Variants in SYTL2 observed in about 807,000 individuals in gnomAD.
SYTL2 encodes synaptotagmin-like protein 2.
In SYTL2, 165 loss-of-function variants were observed where a neutral mutation model predicts 198.7. The ratio of observed to expected loss-of-function variants is 0.83; its 90% confidence interval spans 0.73 to 0.94. The LOEUF (loss-of-function observed/expected upper bound fraction) is 0.94, where lower values mean the gene tolerates loss of function less well. Among genes scored for constraint, SYTL2 ranks in the 40% least tolerant of loss-of-function variants. The pLI, the probability that SYTL2 is intolerant of heterozygous loss-of-function variation, is 0.00. For missense variants in SYTL2, 2,835 were observed against 2,582.8 expected, an observed-to-expected ratio of 1.10 and a Z score of -2.12; for synonymous variants, 966 against 917.7, an observed-to-expected ratio of 1.05 and a Z score of -0.95.
At chr11:85,763,752 T>C (rs778924098) in intron 1 of SYTL2, among the ~76,000 whole-genome samples, 2 of 149,560 alleles carry the variant, frequency 1.3e-5, no homozygotes, top group Non-Finnish European at 3.0e-5. Context: ...TATGCCTGAG[T>C]TGGGGAGAAT....
At chr11:85,784,255 C>CA (rs1483894154) in intron 1 of SYTL2, among the ~76,000 whole-genome samples, 1 of 152,096 alleles carries the variant, frequency 6.6e-6, no homozygotes, top group African/African-American at 2.4e-5. Flanking sequence ...TATTTAATGA[C>CA]AGAGACGGTG....
rs180706766 is a variant in SYTL2, at chr11:85,795,273, T to C, written c.-390+15681A>G. Among the ~76,000 whole-genome samples, 149 of 152,262 alleles carry C rather than the reference T, an allele frequency of 9.8e-4. 1 individual carries two copies. Among genetic ancestry groups the C allele is most frequent in the African/African-American group, 3.4e-3 (142 of 41,546 alleles). On this transcript the variant is annotated intron_variant, in intron 1 of 19. Coordinates refer to ENST00000359152, the MANE Select transcript of SYTL2 (RefSeq NM_206927.4). ...ATCCCCCCAAGGAATAATGCTTGCA[T>C]TTTATTTTCTGAAATGATGATGGCC...
chr11:85,725,051 G>A lies in SYTL2; in HGVS notation c.4307C>T (p.Ser1436Phe), dbSNP rs1390047911. Residue 1436 changes from serine (S) to phenylalanine (F), a missense_variant, in exon 8 of 20, where the codon TCC (serine) becomes TTC (phenylalanine). Ser to Phe is a radical substitution (Grantham distance 155, BLOSUM62 -2). Around this residue, in one of 3 missense-constraint regions of SYTL2, gnomAD observed 2,645 missense variants for 2,381.7 expected, o/e 1.11. Transcript: ENST00000359152. ...IVPDRKDFYSSNVVPDKTHEV... is the reference protein window; with the variant it reads ...IVPDRKDFYSFNVVPDKTHEV... ...ATGAGTTTTATCAGGAACTACATTG[G>A]AGGAATAAAAATCCTTCCTGTCTGG... The A allele has an allele frequency of 1.9e-6, 3 of 1,614,164 alleles. No homozygotes were observed. Among genetic ancestry groups the A allele is most frequent in the South Asian group, 2.2e-5 (2 of 91,078 alleles).
At chr11:85,750,294 T>C (rs973722905) in intron 2 of SYTL2, among the ~76,000 whole-genome samples, 1 of 152,182 alleles carries the variant, frequency 6.6e-6, no homozygotes, top group African/African-American at 2.4e-5. Flanking sequence ...GATGTTTAAC[T>C]GAAAGTACTT....
chr11:85,768,510 A>G (rs1164357657), intron 1 of SYTL2, among the ~76,000 whole-genome samples: 1 of 152,222 alleles, frequency 6.6e-6, no homozygotes, highest in African/African-American at 2.4e-5. Context: ...GGCCTGGGAC[A>G]CAGTAAGTGC....
chr11:85,784,039 A>T lies in SYTL2; in HGVS notation c.-389-25925T>A, dbSNP rs538307892. On this transcript the variant is annotated intron_variant, in intron 1 of 19. Coordinates refer to ENST00000359152, the MANE Select transcript of SYTL2 (RefSeq NM_206927.4). ...TATCTGATGGGCATTACTTGGCCAC[A>T]ACAACCACGTGCCATGTGCCCATGG... Among the ~76,000 whole-genome samples, 4 of 152,324 alleles carry T rather than the reference A, an allele frequency of 2.6e-5. No individual in the cohort carries two copies. In the South Asian group the frequency reaches 8.3e-4, roughly 32 times the overall value.
At position 85,726,928 on chromosome 11, in the gene SYTL2, A is replaced by G; in HGVS notation, c.2430T>C (p.His810=). 6.5e-7 allele frequency: 1 copy of G among 1,536,452 alleles called. No individual in the cohort carries two copies. Among genetic ancestry groups the G allele is most frequent in the Non-Finnish European group, 8.7e-7 (1 of 1,146,932 alleles). The change falls in exon 8 of 20, where the codon CAT becomes CAC. Residue 810 remains histidine, a synonymous_variant. Transcript: ENST00000359152. ...GGCTACATGAAGATGTGGGTTTTTC[A>G]TGAGTTATCTTAGCACCAGCTTTCT... is the stretch of plus-strand genomic sequence containing the variant. ...EGEKAGAKIT[H]EKPTSSCSQE...
intron 13 of SYTL2, among the ~76,000 whole-genome samples, chr11:85,710,625 T>C (rs1465017516): frequency 6.6e-6 from 1 of 152,206 alleles, no homozygotes; most frequent in Non-Finnish European, 1.5e-5. Context: ...TCTGAGTAAC[T>C]ACACTTAAGG....
At chr11:85,764,592 T>C (rs1022959852) in intron 1 of SYTL2, among the ~76,000 whole-genome samples, 1 of 152,246 alleles carries the variant, frequency 6.6e-6, no homozygotes, top group Non-Finnish European at 1.5e-5. Flanking sequence ...TCCTAGACTG[T>C]TCTCTTTTCA....
intron 16 of SYTL2, 146 bp downstream of exon 16, chr11:85,704,712 T>C: frequency 1.7e-6 from 1 of 572,004 alleles, no homozygotes; most frequent in East Asian, 2.8e-5. Flanking sequence ...CCCAATAACC[T>C]TTTTTACCTT....
chr11:85,789,365 T>TATATATATATAC (rs2092693308), intron 1 of SYTL2, among the ~76,000 whole-genome samples: 1 of 62,674 alleles, frequency 1.6e-5, no homozygotes, highest in African/African-American at 6.5e-5. Context: ...TATATATATA[T>TATATATATATAC]ATATATATAT....
chr11:85,744,205 A>C (rs2090998761), intron 4 of SYTL2, among the ~76,000 whole-genome samples: 1 of 152,142 alleles, frequency 6.6e-6, no homozygotes, highest in East Asian at 1.9e-4. Context: ...TTTCTTGAGC[A>C]CTTACTACGT....
At position 85,726,976 on chromosome 11, in the gene SYTL2, G is replaced by A. The variant is rs1335908521; in HGVS notation, c.2382C>T (p.Asp794=). The part of the protein sequence containing the change: ...VQREKYKRVS[D]RISFWEGEKA... ...TCTCTCCTTCCCAAAAGGATATTCT[G>A]TCACTCACTCTTTTGTATTTCTCTC... The change falls in exon 8 of 20, where the codon GAC becomes GAT. Residue 794 remains aspartate, a synonymous_variant. Transcript: ENST00000359152. 24 of 1,536,516 alleles carry A rather than the reference G, an allele frequency of 1.6e-5. No individual in the cohort carries two copies. Among genetic ancestry groups the A allele is most frequent in the Non-Finnish European group, 2.0e-5 (23 of 1,147,020 alleles).
At chr11:85,818,199 G>A in the SYTL2 span, among the ~76,000 whole-genome samples, 1 of 152,036 alleles carries the variant, frequency 6.6e-6, no homozygotes, top group Non-Finnish European at 1.5e-5. Context: ...CACCGTGCCT[G>A]GCCAGAGGAA....
At chr11:85,717,435 T>C (rs1304262187) in intron 11 of SYTL2, 48 bp downstream of exon 11, 12 of 1,498,772 alleles carry the variant, frequency 8.0e-6, no homozygotes, top group Non-Finnish European at 1.0e-5. Context: ...ATATTTAATA[T>C]GTAAAGTGGA....
the SYTL2 span, among the ~76,000 whole-genome samples, chr11:85,838,257 G>A: frequency 6.6e-6 from 1 of 152,074 alleles, no homozygotes; most frequent in Non-Finnish European, 1.5e-5. Flanking sequence ...TTTGTGAAGA[G>A]AAAAAAATTC....
the SYTL2 span, chr11:85,853,769 T>C: frequency 1.3e-5 from 2 of 151,648 alleles, no homozygotes; most frequent in African/African-American, 4.8e-5. Flanking sequence ...TACTGACTAA[T>C]TCTCCAAAGC....
At chr11:85,752,939 A>AAC in intron 2 of SYTL2, among the ~76,000 whole-genome samples, 1 of 142,486 alleles carries the variant, frequency 7.0e-6, no homozygotes, top group Non-Finnish European at 1.5e-5. Context: ...AAAAAAAAAA[A>AAC]AAAAAAAAAA....
At chr11:85,753,528 C>T (rs2091675377) in intron 2 of SYTL2, among the ~76,000 whole-genome samples, 1 of 152,074 alleles carries the variant, frequency 6.6e-6, no homozygotes, top group Non-Finnish European at 1.5e-5. Context: ...CATTAACAGA[C>T]CAAGTGATTT....
Sources: allele counts gnomAD v4.1 joint callset (sites outside exome capture counted in the v4.1 genomes callset), GRCh38; gene constraint gnomAD v4.1.1; regional missense constraint gnomAD v4.1.1; transcripts MANE v1.5; gene names NCBI Gene and HGNC (gene_info 2026-07-23, HGNC 2026-07-21).